ARIH2: variants seen among roughly 807,000 people sequenced by gnomAD.
ARIH2 encodes the protein E3 ubiquitin-protein ligase ARIH2.
A neutral mutation model predicts 79.8 loss-of-function variants in ARIH2; 12 were observed. The ratio of observed to expected loss-of-function variants is 0.15; its 90% confidence interval spans 0.10 to 0.24. The LOEUF (loss-of-function observed/expected upper bound fraction) is 0.24. ARIH2 is among the 10% of genes least tolerant of loss of function. The pLI, the probability that ARIH2 is intolerant of heterozygous loss-of-function variation, is 1.00. For synonymous variants in ARIH2, 224 were observed against 213.9 expected (o/e 1.05, Z -0.41); for missense variants, 301 against 618.3 (o/e 0.49, Z 5.44).
intron 3 of ARIH2, among the ~76,000 whole-genome samples, chr3:48,939,202 A>C (rs1216878610): frequency 6.6e-6 from 1 of 152,066 alleles, no homozygotes; most frequent in African/African-American, 2.4e-5. Flanking sequence ...TCCAGACTTC[A>C]AGTGACCTGC....
At chr3:48,975,845 G>A (rs563485891) in intron 11 of ARIH2, among the ~76,000 whole-genome samples, 10 of 152,098 alleles carry the variant, frequency 6.6e-5, no homozygotes, top group Non-Finnish European at 1.3e-4. Context: ...TTACAGGAGT[G>A]AGCCACTGTG....
chr3:48,975,463 G>A (rs959345948), intron 11 of ARIH2, among the ~76,000 whole-genome samples: 4 of 152,124 alleles, frequency 2.6e-5, no homozygotes. Context: ...TATGCCATCC[G>A]GCCAGGTCAA....
intron 13 of ARIH2, 101 bp from the exon 14 acceptor site, chr3:48,981,559 G>A: frequency 1.1e-6 from 1 of 892,500 alleles, no homozygotes; most frequent in Non-Finnish European, 1.8e-6. Flanking sequence ...CTATAGAGCT[G>A]GGCTAATTTG....
chr3:48,963,650 T>C (rs947574013), intron 4 of ARIH2, among the ~76,000 whole-genome samples: 1 of 152,238 alleles, frequency 6.6e-6, no homozygotes, highest in Non-Finnish European at 1.5e-5. Context: ...CGTGTAGTTT[T>C]GTCTTTGCTA....
intron 3 of ARIH2, among the ~76,000 whole-genome samples, chr3:48,953,936 G>A (rs1249581185): frequency 6.6e-6 from 1 of 151,890 alleles, no homozygotes; most frequent in Non-Finnish European, 1.5e-5. Context: ...GGCCGAAGCG[G>A]GTGGATCACC....
chr3:48,934,968 G>GT lies in ARIH2; in HGVS notation c.255+7164dup, dbSNP rs371586842. 6.7e-4 allele frequency: 649 copies of GT among 970,484 alleles called. 3 individuals carry two copies. Among genetic ancestry groups the GT allele is most frequent in the African/African-American group, 3.1e-3 (177 of 56,536 alleles). The allele number at this position is 970,484 out of a possible 1,614,324, so 60.1% of individuals were successfully genotyped here. A position where few individuals can be genotyped will look rare whatever the true frequency, so the allele number is the denominator to read the frequency against. On this transcript the variant is annotated intron_variant, in intron 3 of 15. Coordinates refer to ENST00000356401, the MANE Select transcript of ARIH2 (RefSeq NM_006321.4). ...GGTGATACGGTATTTGTGTGTGTTTGTTTTTTTTTGACATTTATATTTTAA... is the reference window on the plus strand; with the variant it reads ...GGTGATACGGTATTTGTGTGTGTTTGTTTTTTTTTTGACATTTATATTTTAA...
chr3:48,967,147 A>T lies in ARIH2; in HGVS notation c.410A>T (p.His137Leu). The T allele has an allele frequency of 6.2e-7, 1 of 1,613,376 alleles. No individual in the cohort carries two copies. Among genetic ancestry groups the T allele is most frequent in the Non-Finnish European group, 8.5e-7 (1 of 1,179,794 alleles). Reference protein sequence around the residue: ...SKHVPTSHPPHHCAVCMQFVR... With the variant: ...SKHVPTSHPPLHCAVCMQFVR... ...CAGGTTCCCACATCCCATCCCCCTCACCACTGTGCAGTGTGTATGCAGTTT... is the reference window on the plus strand; with the variant it reads ...CAGGTTCCCACATCCCATCCCCCTCTCCACTGTGCAGTGTGTATGCAGTTT... Residue 137 changes from histidine to leucine, a missense_variant, in exon 6 of 16, where the codon CAC (histidine) becomes CTC (leucine). Around this residue, in one of 2 missense-constraint regions of ARIH2, gnomAD observed 223 missense variants for 349.4 expected, o/e 0.64. Coordinates refer to ENST00000356401, the MANE Select transcript of ARIH2 (RefSeq NM_006321.4).
At chr3:48,919,039 TG>T (rs1421481039) in intron 1 of ARIH2, 41 bp downstream of exon 1, 1 of 1,352,434 alleles carries the variant, frequency 7.4e-7, no homozygotes, top group Non-Finnish European at 9.5e-7. Flanking sequence ...TTACCTTGGC[TG>T]GCCGCTGGGG....
chr3:48,950,384 T>C (rs1475055609), intron 3 of ARIH2, among the ~76,000 whole-genome samples: 1 of 152,220 alleles, frequency 6.6e-6, no homozygotes. Context: ...GAGTAAAAGC[T>C]TAATTTTGAT....
intron 3 of ARIH2, among the ~76,000 whole-genome samples, chr3:48,944,148 T>C (rs909169987): frequency 3.3e-5 from 5 of 152,110 alleles, no homozygotes; most frequent in East Asian, 1.9e-4. Context: ...CTAAAAGATA[T>C]GCTGGCTGGG....
chr3:48,942,072 G>T (rs1378259395), intron 3 of ARIH2, among the ~76,000 whole-genome samples: 3 of 148,416 alleles, frequency 2.0e-5, no homozygotes, highest in African/African-American at 7.4e-5. Flanking sequence ...TTTTTTTGAG[G>T]CGGAGTCTTA....
intron 3 of ARIH2, among the ~76,000 whole-genome samples, chr3:48,941,814 C>T (rs1576269558): frequency 6.6e-6 from 1 of 151,212 alleles, no homozygotes; most frequent in African/African-American, 2.4e-5. Flanking sequence ...GATCTCCTGA[C>T]CTCGTGATCC....
At chr3:48,978,828 G>A (rs1304905505) in intron 11 of ARIH2, among the ~76,000 whole-genome samples, 1 of 151,836 alleles carries the variant, frequency 6.6e-6, no homozygotes, top group African/African-American at 2.4e-5. Context: ...CAGCATGTTG[G>A]CAGGCACCTG....
intron 3 of ARIH2, among the ~76,000 whole-genome samples, chr3:48,938,074 A>G (rs193186427): frequency 2.3e-4 from 34 of 149,586 alleles, no homozygotes; most frequent in African/African-American, 5.9e-4. Flanking sequence ...AATGGGTTCT[A>G]TGTCCTTTTT....
At chr3:48,967,357 G>C in intron 6 of ARIH2, 82 bp downstream of exon 6, 1 of 1,460,670 alleles carries the variant, frequency 6.8e-7, no homozygotes, top group South Asian at 1.3e-5. Context: ...CAAGTAAACT[G>C]AGTATTTTCT....
chr3:48,978,173 C>A (rs2092604870), intron 11 of ARIH2, among the ~76,000 whole-genome samples: 1 of 151,902 alleles, frequency 6.6e-6, no homozygotes, highest in Non-Finnish European at 1.5e-5. Context: ...ATTGTTCATC[C>A]AACAAAACTG....
chr3:48,964,337 A>T (rs2091570326), intron 4 of ARIH2, among the ~76,000 whole-genome samples: 1 of 139,022 alleles, frequency 7.2e-6, no homozygotes, highest in Non-Finnish European at 1.5e-5. Context: ...TTTTTTTGAG[A>T]CAGAATCTCG....
chr3:48,961,631 A>G lies in ARIH2; in HGVS notation c.275A>G (p.Lys92Arg). The G allele has an allele frequency of 6.2e-7, 1 of 1,607,968 alleles. No homozygotes were observed. Among genetic ancestry groups the G allele is most frequent in the Non-Finnish European group, 8.5e-7 (1 of 1,174,638 alleles). Residue 92 changes from lysine (K) to arginine (R), a missense_variant, in exon 4 of 16, where the codon AAA becomes AGA. By Grantham distance (26) the Lys-to-Arg change is conservative. Transcript: ENST00000356401. ...TTCTAGGTATCTCATTCAGTTGCTA[A>G]ACTTATATTAGTTAATTTCCACTGG... ...SVLKVSHSVA[K>R]LILVNFHWQV... is the part of the protein sequence containing the mutation.
rs2091278674 is a variant in ARIH2, at chr3:48,961,666, G to C, written c.310G>C (p.Glu104Gln). Residue 104 changes from glutamate (E) to glutamine (Q), a missense_variant, in exon 4 of 16, where the codon GAG becomes CAG. By Grantham distance (29) the Glu-to-Gln change is conservative. Transcript: ENST00000356401. Reference protein sequence around the residue: ...ILVNFHWQVSEILDRYKSNSA... With the variant: ...ILVNFHWQVSQILDRYKSNSA... ...AGTTAATTTCCACTGGCAAGTTTCA[G>C]AGATATTGGACAGGTAAGGTATTTG... The C allele has an allele frequency of 6.2e-7, 1 of 1,607,542 alleles. No homozygotes were observed. Among genetic ancestry groups the C allele is most frequent in the Admixed American group, 1.7e-5 (1 of 60,008 alleles).
Sources: gnomAD v4.1 joint callset for allele counts (sites outside exome capture counted in the v4.1 genomes callset) on GRCh38, gnomAD v4.1.1 for gene constraint, gnomAD v4.1.1 regional missense constraint, MANE v1.5 for transcripts, NCBI Gene and HGNC (gene_info 2026-07-23, HGNC 2026-07-21) for gene names.